Variants in GFRA2 observed in about 807,000 individuals in gnomAD.
GFRA2 encodes GDNF family receptor alpha 2.
In GFRA2, 17 loss-of-function variants were observed where a neutral mutation model predicts 48.3. The observed-to-expected ratio is 0.35, with a 90% CI of 0.24 to 0.53. The LOEUF (loss-of-function observed/expected upper bound fraction) is 0.53, where lower values mean the gene tolerates loss of function less well. GFRA2 is among the 20% of genes least tolerant of loss of function. The pLI, the probability that GFRA2 is intolerant of heterozygous loss-of-function variation, is 0.93. For missense variants in GFRA2, 660 were observed against 637.3 expected (o/e 1.04, Z -0.38); for synonymous variants, 305 against 257.2 (o/e 1.19, Z -1.78).
chr8:21,793,531 T>C (rs2117104364), upstream of GFRA2, among the ~76,000 whole-genome samples: 1 of 152,324 alleles, frequency 6.6e-6, no homozygotes, highest in Non-Finnish European at 1.5e-5. Context: ...GCCAAATTTA[T>C]GGCTAGATAC....
At chr8:21,791,363 A>G (rs1807570649), upstream of GFRA2, among the ~76,000 whole-genome samples, 1 of 152,118 alleles carries the variant, frequency 6.6e-6, no homozygotes, top group Non-Finnish European at 1.5e-5. Context: ...AACACCAATC[A>G]GTCACCACCA....
chr8:21,715,395 G>A (rs570360391), intron 4 of GFRA2, among the ~76,000 whole-genome samples: 2 of 152,286 alleles, frequency 1.3e-5, no homozygotes, highest in South Asian at 4.1e-4. Context: ...TGCAACCTCC[G>A]CTTCCCAGGT....
chr8:21,804,481 T>C (rs900053560), intron 2 of GFRA2, among the ~76,000 whole-genome samples: 22 of 149,466 alleles, frequency 1.5e-4, no homozygotes, highest in South Asian at 4.3e-4. Context: ...CTAGGGATGA[T>C]GCAAAGTTCT....
chr8:21,745,503 G>T (rs1196295286), intron 4 of GFRA2, among the ~76,000 whole-genome samples: 1 of 152,228 alleles, frequency 6.6e-6, no homozygotes, highest in Non-Finnish European at 1.5e-5. Context: ...AAGGCAGGTT[G>T]GGGGTTCTGC....
chr8:21,731,691 T>C (rs1439409927), intron 4 of GFRA2, among the ~76,000 whole-genome samples: 1 of 152,256 alleles, frequency 6.6e-6, no homozygotes, highest in East Asian at 1.9e-4. Flanking sequence ...TTCAATTATC[T>C]GGTTTTCTGT....
intron 4 of GFRA2, among the ~76,000 whole-genome samples, chr8:21,716,728 C>T (rs1438175514): frequency 2.0e-5 from 3 of 152,144 alleles, no homozygotes; most frequent in South Asian, 2.1e-4. Context: ...AATTTGCCCA[C>T]GAGGAGAGTT....
At chr8:21,751,364 G>A (rs1805286907) in intron 3 of GFRA2, among the ~76,000 whole-genome samples, 1 of 152,238 alleles carries the variant, frequency 6.6e-6, no homozygotes, top group Non-Finnish European at 1.5e-5. Context: ...TTTGGGGTCA[G>A]ACAATGCTCA....
chr8:21,782,873 G>A lies in GFRA2; in HGVS notation c.67C>T (p.Pro23Ser). 6.4e-7 allele frequency: 1 copy of A among 1,564,910 alleles called. No individual in the cohort carries two copies. The highest frequency in any genetic ancestry group is 8.6e-7 in the Non-Finnish European group (1 of 1,162,740). The change falls in exon 2 of 9, where the codon CCT (proline) becomes TCT (serine). Residue 23 changes from proline (P) to serine (S), a missense_variant. Transcript: ENST00000524240. Reference protein sequence around the residue: ...LDETLRSLASPSSLQGPELHG... With the variant: ...LDETLRSLASSSSLQGPELHG... The stretch of plus-strand genomic sequence containing the variant: ...AGCTCGGGGCCCTGCAGGGAGGAAG[G>A]GCTGGCCAAAGAGCGGAGGGTCTCG...
In GFRA2 at chr8:21,745,384, T is replaced by A. The variant is rs1013376961; in HGVS notation, c.794+5204A>T. 4.6e-5 allele frequency among the ~76,000 whole-genome samples: 7 copies of A among 152,328 alleles called. No individual in the cohort carries two copies. The East Asian group carries it at 1.2e-3, about 25-fold the overall frequency. On this transcript the variant is annotated intron_variant, in intron 4 of 8. Transcript: ENST00000524240. Reference sequence around the variant, plus strand: ...GTGCTGTAGCACTGCAGCATGGGCATGCTCCTAGGAGATGCCAAGGGCTGG... The same window carrying A: ...GTGCTGTAGCACTGCAGCATGGGCAAGCTCCTAGGAGATGCCAAGGGCTGG...
intron 2 of GFRA2, among the ~76,000 whole-genome samples, chr8:21,802,516 G>A (rs971757791): frequency 1.8e-4 from 28 of 152,122 alleles, no homozygotes; most frequent in Admixed American, 5.2e-4. Context: ...CACCATGTCC[G>A]GCTAATTTTT....
At chr8:21,701,166 G>T (rs547139131) in intron 7 of GFRA2, among the ~76,000 whole-genome samples, 3 of 152,216 alleles carry the variant, frequency 2.0e-5, no homozygotes, top group Admixed American at 2.0e-4. Flanking sequence ...AGGCCGAGGC[G>T]GGTGGATCAC....
upstream of GFRA2, chr8:21,789,974 G>T: frequency 1.5e-6 from 1 of 687,892 alleles, no homozygotes; most frequent in Non-Finnish European, 1.8e-6. Context: ...TCGTCCCGAG[G>T]CAGCTCCCGG....
upstream of GFRA2, chr8:21,790,065 C>T (rs1422497468): frequency 2.0e-6 from 2 of 985,182 alleles, no homozygotes; most frequent in African/African-American, 3.5e-5. Flanking sequence ...GTGGGCCGGG[C>T]TCACCGGCGT....
intron 7 of GFRA2, among the ~76,000 whole-genome samples, chr8:21,696,573 T>C (rs1802187826): frequency 6.6e-6 from 1 of 152,166 alleles, no homozygotes; most frequent in Non-Finnish European, 1.5e-5. Context: ...GGTCAGCCCA[T>C]GCAGAGCAGC....
In GFRA2 at chr8:21,690,630, G is replaced by T. The variant is rs1218858491; in HGVS notation, c.*2648C>A. 2 of 152,132 alleles carry T rather than the reference G, an allele frequency of 1.3e-5. No homozygotes were observed. Among genetic ancestry groups the T allele is most frequent in the African/African-American group, 4.8e-5 (2 of 41,406 alleles). 9.4% of individuals were successfully genotyped at this position (152,132 alleles called of 1,614,324 possible). ...GAAATTTTCTCTCCCCCATGATGTA[G>T]CCTAAGGGCTTACCTCCTATTAGGG... is the stretch of plus-strand genomic sequence containing the variant. On this transcript the variant is annotated 3_prime_UTR_variant, in exon 9 of 9. Coordinates refer to ENST00000524240, the MANE Select transcript of GFRA2 (RefSeq NM_001495.5).
chr8:21,694,952 T>C (rs1802082742), intron 7 of GFRA2, among the ~76,000 whole-genome samples: 1 of 152,278 alleles, frequency 6.6e-6, no homozygotes, highest in East Asian at 1.9e-4. Flanking sequence ...ATAAACAGCC[T>C]CCAAGAGCCA....
intron 2 of GFRA2, among the ~76,000 whole-genome samples, chr8:21,778,687 T>C (rs1330197398): frequency 2.0e-5 from 3 of 152,154 alleles, no homozygotes; most frequent in Non-Finnish European, 4.4e-5. Context: ...GGCCAGAAGT[T>C]TGAGGACAGC....
intron 1 of GFRA2, among the ~76,000 whole-genome samples, chr8:21,786,842 C>CGG (rs1807295558): frequency 6.6e-6 from 1 of 152,200 alleles, no homozygotes; most frequent in East Asian, 1.9e-4. Flanking sequence ...CCTACCTCCC[C>CGG]ACTCGTGGCC....
Position 21,788,169 on chromosome 8 carries a change from A to G in GFRA2, c.-10T>C. Reference sequence around the variant, plus strand: ...CGTTTGCCAAGATCATGTTAAATAAATCCCACCGTTTTTTTGTCTTTCTCC... The same window carrying G: ...CGTTTGCCAAGATCATGTTAAATAAGTCCCACCGTTTTTTTGTCTTTCTCC... On this transcript the variant is annotated 5_prime_UTR_variant, in exon 1 of 9. Transcript: ENST00000524240. The G allele has an allele frequency of 2.5e-6, 4 of 1,603,348 alleles. No homozygotes were observed. In the Admixed American group the frequency reaches 5.1e-5, roughly 20 times the overall value.
Sources: allele counts gnomAD v4.1 joint callset (sites outside exome capture counted in the v4.1 genomes callset), GRCh38; gene constraint gnomAD v4.1.1; transcripts MANE v1.5; gene names NCBI Gene and HGNC (gene_info 2026-07-23, HGNC 2026-07-21).